ASAP2: variants seen among roughly 807,000 people sequenced by gnomAD.
The protein encoded by ASAP2 is ArfGAP with SH3 domain, ankyrin repeat and PH domain 2, also known as arf-GAP with SH3 domain, ANK repeat and PH domain-containing protein 2.
A neutral mutation model predicts 131.4 loss-of-function variants in ASAP2; 45 were observed. The ratio of observed to expected loss-of-function variants is 0.34; its 90% confidence interval spans 0.27 to 0.44. The LOEUF (loss-of-function observed/expected upper bound fraction) is 0.44, where lower values mean the gene tolerates loss of function less well. ASAP2 is among the 20% of genes least tolerant of loss of function. The pLI is 1.00. For missense variants in ASAP2, 1,011 were observed against 1,297.0 expected (o/e 0.78, Z 3.39); for synonymous variants, 510 against 503.0 (o/e 1.01, Z -0.19).
At chr2:9,394,815 T>C (rs1675990553) in intron 24 of ASAP2, among the ~76,000 whole-genome samples, 2 of 152,206 alleles carry the variant, frequency 1.3e-5, no homozygotes, top group African/African-American at 4.8e-5. Context: ...TCTTCGTCTT[T>C]TCTCCACAGT....
At chr2:9,287,015 G>C (rs115705572) in intron 2 of ASAP2, among the ~76,000 whole-genome samples, 6 of 152,216 alleles carry the variant, frequency 3.9e-5, no homozygotes, top group Admixed American at 6.5e-5. Context: ...CTTGTGAGTT[G>C]GGTCCTGTCC....
intron 1 of ASAP2, among the ~76,000 whole-genome samples, chr2:9,258,244 CA>C (rs34722605): frequency 2.4e-3 from 306 of 129,638 alleles, no homozygotes; most frequent in Middle Eastern, 8.1e-3. Context: ...TACTTCATCT[CA>C]AAAAAAAAAA....
At position 9,232,164 on chromosome 2, in the gene ASAP2, A is replaced by T. The variant is rs1663212454; in HGVS notation, c.126+24934A>T. On this transcript the variant is annotated intron_variant, in intron 1 of 27. Coordinates refer to ENST00000281419, the MANE Select transcript of ASAP2 (RefSeq NM_003887.3). The surrounding 1 kb of genome is among the most constrained non-coding windows in gnomAD (Gnocchi z 4.1). ...CCCTGACCTTTTGGAAAGTAACCAG[A>T]CTCTGGGTCCTTCTCCTTTGTTGAC... Among the ~76,000 whole-genome samples the T allele has an allele frequency of 6.6e-6, 1 of 151,504 alleles. No homozygotes were observed. The highest frequency in any genetic ancestry group is 2.1e-4 in the South Asian group (1 of 4,792).
intron 5 of ASAP2, among the ~76,000 whole-genome samples, chr2:9,322,516 C>T (rs56842553): frequency 0.02 from 3,086 of 152,266 alleles, 108 homozygotes; most frequent in African/African-American, 0.071. Context: ...TTAGCAGCCA[C>T]GATTACCCTG....
At chr2:9,263,220 G>T (rs889111707) in intron 1 of ASAP2, among the ~76,000 whole-genome samples, 1 of 152,134 alleles carries the variant, frequency 6.6e-6, no homozygotes, top group Non-Finnish European at 1.5e-5. Context: ...TTCTTTTCCT[G>T]AGCTAGTCCA....
At chr2:9,388,639 CT>C (rs1675486644) in intron 22 of ASAP2, 93 bp downstream of exon 22, 1 of 1,489,914 alleles carries the variant, frequency 6.7e-7, no homozygotes, top group Non-Finnish European at 8.9e-7. Flanking sequence ...ACTCAGTGAC[CT>C]TTGGGCTCTT....
intron 2 of ASAP2, among the ~76,000 whole-genome samples, chr2:9,296,975 G>C (rs10153575): frequency 0.35 from 52,536 of 152,046 alleles, 9,327 homozygotes; most frequent in African/African-American, 0.39. Context: ...AGTCTGGTGA[G>C]TTGTGCCATC....
chr2:9,317,507 C>T (rs1344858077), intron 3 of ASAP2, among the ~76,000 whole-genome samples: 2 of 148,826 alleles, frequency 1.3e-5, no homozygotes, highest in Non-Finnish European at 3.0e-5. Flanking sequence ...CCACTTACAC[C>T]CCCACAATCA....
chr2:9,276,920 A>G (rs979486113), intron 1 of ASAP2, among the ~76,000 whole-genome samples: 2 of 152,152 alleles, frequency 1.3e-5, no homozygotes, highest in African/African-American at 4.8e-5. Flanking sequence ...ATGGTGGCTG[A>G]CTTCTAATGC....
At chr2:9,305,900 C>T (rs1440026296) in intron 3 of ASAP2, among the ~76,000 whole-genome samples, 1 of 142,996 alleles carries the variant, frequency 7.0e-6, no homozygotes, top group Non-Finnish European at 1.5e-5. Flanking sequence ...GGTTGACAGG[C>T]TGGAGTAGTG....
chr2:9,396,423 A>G (rs1330876468), intron 24 of ASAP2, among the ~76,000 whole-genome samples: 1 of 151,938 alleles, frequency 6.6e-6, no homozygotes, highest in African/African-American at 2.4e-5. Flanking sequence ...ACAGGCACGC[A>G]CCACCATGCC....
chr2:9,260,129 A>G (rs965707250), intron 1 of ASAP2, among the ~76,000 whole-genome samples: 1 of 152,178 alleles, frequency 6.6e-6, no homozygotes. Flanking sequence ...GGACTCTCCA[A>G]CTGTCAAGGC....
intron 2 of ASAP2, among the ~76,000 whole-genome samples, chr2:9,288,305 A>G (rs1667594667): frequency 6.6e-6 from 1 of 152,168 alleles, no homozygotes; most frequent in South Asian, 2.1e-4. Context: ...AGGATGAAAG[A>G]TATTTCTACA....
Position 9,297,333 on chromosome 2 carries a change from C to G in ASAP2, c.233C>G (p.Ala78Gly). ...HVENEEQYTQALEKFGGNCVC... is the reference protein window; with the variant it reads ...HVENEEQYTQGLEKFGGNCVC... ...GAAAATGAAGAGCAGTACACCCAGGCTCTGGAGAAGTTTGGCGGCAACTGT... is the reference window on the plus strand; with the variant it reads ...GAAAATGAAGAGCAGTACACCCAGGGTCTGGAGAAGTTTGGCGGCAACTGT... The change falls in exon 3 of 28, where the codon GCT becomes GGT. Residue 78 changes from alanine to glycine, a missense_variant. Transcript: ENST00000281419. 1 of 1,614,132 alleles carries G rather than the reference C, an allele frequency of 6.2e-7. No homozygotes were observed. Among genetic ancestry groups the G allele is most frequent in the Non-Finnish European group, 8.5e-7 (1 of 1,180,018 alleles).
At chr2:9,291,636 A>G (rs1242163729) in intron 2 of ASAP2, among the ~76,000 whole-genome samples, 1 of 152,156 alleles carries the variant, frequency 6.6e-6, no homozygotes, top group Non-Finnish European at 1.5e-5. Flanking sequence ...GTCTCTCCTT[A>G]AACGCTCCCT....
At chr2:9,305,193 G>T (rs1668795409) in intron 3 of ASAP2, among the ~76,000 whole-genome samples, 1 of 150,342 alleles carries the variant, frequency 6.7e-6, no homozygotes, top group Non-Finnish European at 1.5e-5. Context: ...ATATTGGAGG[G>T]TCTGGAGTAG....
intron 1 of ASAP2, among the ~76,000 whole-genome samples, chr2:9,241,247 T>A (rs922082288): frequency 6.6e-6 from 1 of 152,260 alleles, no homozygotes; most frequent in Admixed American, 6.5e-5. Flanking sequence ...TGCTGGAAGA[T>A]ATTTTGTCAG....
At chr2:9,295,958 C>T (rs1369803549) in intron 2 of ASAP2, among the ~76,000 whole-genome samples, 2 of 152,140 alleles carry the variant, frequency 1.3e-5, no homozygotes, top group Non-Finnish European at 2.9e-5. Flanking sequence ...AATGTTCCCT[C>T]GTTTTCCCAC....
intron 9 of ASAP2, 61 bp from the exon 10 acceptor site, chr2:9,344,471 C>A: frequency 7.0e-7 from 1 of 1,425,234 alleles, no homozygotes; most frequent in Non-Finnish European, 9.7e-7. Context: ...CCTTTGTGTA[C>A]TGCTTTTCTA....
Sources: gnomAD v4.1 joint callset for allele counts (sites outside exome capture counted in the v4.1 genomes callset) on GRCh38, gnomAD v4.1.1 for gene constraint, Gnocchi (gnomAD v3.1) non-coding constraint, MANE v1.5 for transcripts, NCBI Gene and HGNC (gene_info 2026-07-23, HGNC 2026-07-21) for gene names.